N4BP2L2: variants seen among roughly 807,000 people sequenced by gnomAD.
N4BP2L2 encodes the protein NEDD4 binding protein 2 like 2, also known as NEDD4-binding protein 2-like 2.
Under a neutral mutation model 56.2 loss-of-function variants are expected in N4BP2L2, and 50 were observed. The ratio of observed to expected loss-of-function variants is 0.89; its 90% CI spans 0.71 to 1.13. The LOEUF (loss-of-function observed/expected upper bound fraction) is 1.13, where lower values mean the gene tolerates loss of function less well. Among genes scored for constraint, N4BP2L2 ranks in the 50% most tolerant of loss-of-function variants. The probability of loss-of-function intolerance (pLI) is 0.00; values close to 1 mark genes in which losing one functional copy is unlikely to be tolerated. For synonymous variants in N4BP2L2, 203 were observed against 223.6 expected (o/e 0.91, Z 0.82); for missense variants, 689 against 693.8 (o/e 0.99, Z 0.08).
intron 6 of N4BP2L2, among the ~76,000 whole-genome samples, chr13:32,501,424 T>TA (rs1390346869): frequency 1.0e-5 from 1 of 96,828 alleles, no homozygotes; most frequent in Non-Finnish European, 2.3e-5. Flanking sequence ...TAAAACAAAA[T>TA]AAAAACCTTT....
intron 6 of N4BP2L2, among the ~76,000 whole-genome samples, chr13:32,473,343 A>C (rs1234145720): frequency 1.3e-5 from 2 of 152,174 alleles, no homozygotes; most frequent in Non-Finnish European, 2.9e-5. Context: ...AGGTTAAATC[A>C]AATACATTAT....
At chr13:32,521,883 G>A (rs1292707414) in intron 4 of N4BP2L2, 1 of 324,766 alleles carries the variant, frequency 3.1e-6, no homozygotes, top group Non-Finnish European at 5.6e-6. Context: ...GGCTGAGGCA[G>A]GAGAATCGCT....
chr13:32,449,776 G>A (rs2077610098), intron 6 of N4BP2L2, among the ~76,000 whole-genome samples: 1 of 152,074 alleles, frequency 6.6e-6, no homozygotes, highest in Admixed American at 6.6e-5. Context: ...AGACTCCCAC[G>A]ATGCAATTCA....
chr13:32,434,645 C>T (rs1212676597), intron 9 of N4BP2L2, among the ~76,000 whole-genome samples: 4 of 151,976 alleles, frequency 2.6e-5, no homozygotes, highest in Admixed American at 1.3e-4. Flanking sequence ...AAATGGGCAC[C>T]GACTTGTGGC....
rs368068960 is a variant in N4BP2L2 at position 32,465,124 on chromosome 13, G to A, written c.366-20998C>T. Among the ~76,000 whole-genome samples, 22 of 151,908 alleles carry A rather than the reference G, an allele frequency of 1.4e-4. No homozygotes were observed. The East Asian group carries it at 3.1e-3, about 21-fold the overall frequency. On this transcript the variant is annotated intron_variant, in intron 6 of 9. Coordinates refer to the N4BP2L2 transcript ENST00000357505. ...TGGGATTACAGGTGCCTGCCACCACGCCCAGCTAATTTTTGTATTTTTAGT... is the reference window on the plus strand; with the variant it reads ...TGGGATTACAGGTGCCTGCCACCACACCCAGCTAATTTTTGTATTTTTAGT...
intron 6 of N4BP2L2, among the ~76,000 whole-genome samples, chr13:32,503,194 A>T (rs2090337741): frequency 6.6e-6 from 1 of 151,076 alleles, no homozygotes; most frequent in Non-Finnish European, 1.5e-5. Context: ...AAAAAAAAAA[A>T]AAATTATATT....
At chr13:32,535,917 T>C (rs1180154984) in exon 2 of N4BP2L2, 3 of 1,614,148 alleles carry the variant, frequency 1.9e-6, no homozygotes, top group African/African-American at 2.7e-5. Context: ...TTCCAGCATC[T>C]TTCTCTGACT....
Position 32,443,769 on chromosome 13 carries a change from T to C in N4BP2L2, c.723A>G (p.Glu241=), listed in dbSNP as rs764947737. 9 of 1,574,368 alleles carry C rather than the reference T, an allele frequency of 5.7e-6. No homozygotes were observed. In the Admixed American group the frequency reaches 5.8e-5, roughly 10 times the overall value. Residue 241 remains glutamate (E), a synonymous_variant, in exon 7 of 10, where the codon GAA becomes GAG. Coordinates refer to the N4BP2L2 transcript ENST00000357505. Reference sequence around the variant, plus strand: ...ACAAACTTACAAACAAGTTATCACCTTCCTTAGAGAGGTAATTCTTTGGTG... The same window carrying C: ...ACAAACTTACAAACAAGTTATCACCCTCCTTAGAGAGGTAATTCTTTGGTG...
At chr13:32,511,380 T>C (rs1238895135) in exon 6 of N4BP2L2, 1 of 152,198 alleles carries the variant, frequency 6.6e-6, no homozygotes. Context: ...CATGACATAA[T>C]AGTGAATTAT....
At chr13:32,484,037 T>C (rs1445220587) in intron 6 of N4BP2L2, among the ~76,000 whole-genome samples, 2 of 149,350 alleles carry the variant, frequency 1.3e-5, no homozygotes, top group African/African-American at 4.9e-5. Flanking sequence ...CCAGGCCCAG[T>C]GGTTTACAAC....
exon 7 of N4BP2L2, chr13:32,443,590 G>T: frequency 6.2e-7 from 1 of 1,611,724 alleles, no homozygotes; most frequent in Non-Finnish European, 8.5e-7. Context: ...TAAGCATGAA[G>T]TTTCCGCAGA....
chr13:32,491,346 G>A (rs1041449611), intron 6 of N4BP2L2, among the ~76,000 whole-genome samples: 1 of 151,888 alleles, frequency 6.6e-6, no homozygotes, highest in Non-Finnish European at 1.5e-5. Context: ...TCCTGCTCCT[G>A]TTATACTAAG....
intron 6 of N4BP2L2, among the ~76,000 whole-genome samples, chr13:32,484,095 T>C (rs926378522): frequency 1.3e-5 from 2 of 151,994 alleles, no homozygotes; most frequent in Non-Finnish European, 2.9e-5. Flanking sequence ...GGAGTGCTTC[T>C]GCCAAGAGTT....
chr13:32,489,152 A>G (rs1404341785), intron 6 of N4BP2L2, among the ~76,000 whole-genome samples: 1 of 152,236 alleles, frequency 6.6e-6, no homozygotes, highest in African/African-American at 2.4e-5. Context: ...AAGGCTTAAC[A>G]ATAATTATTA....
intron 6 of N4BP2L2, among the ~76,000 whole-genome samples, chr13:32,450,606 G>C (rs1198672194): frequency 6.7e-6 from 1 of 149,574 alleles, no homozygotes; most frequent in Non-Finnish European, 1.5e-5. Flanking sequence ...TTAGAGGCGT[G>C]AGCCACTGCG....
intron 6 of N4BP2L2, among the ~76,000 whole-genome samples, chr13:32,460,361 A>G (rs1008820940): frequency 2.6e-5 from 4 of 152,228 alleles, no homozygotes; most frequent in Non-Finnish European, 5.9e-5. Flanking sequence ...GAGGAGGTCA[A>G]ATTGTCTTTG....
downstream of N4BP2L2, chr13:32,505,459 G>A (rs779371553): frequency 7.9e-5 from 12 of 152,186 alleles, no homozygotes; most frequent in Non-Finnish European, 1.6e-4. Context: ...TGGATAGACT[G>A]AGAATTTTCC....
At chr13:32,503,892 A>T (rs2090467066) in intron 6 of N4BP2L2, among the ~76,000 whole-genome samples, 1 of 152,066 alleles carries the variant, frequency 6.6e-6, no homozygotes, top group South Asian at 2.1e-4. Flanking sequence ...AAAAAATTTT[A>T]AAATTAGCTG....
chr13:32,440,853 T>G (rs1219671440), intron 7 of N4BP2L2, among the ~76,000 whole-genome samples: 2 of 146,242 alleles, frequency 1.4e-5, no homozygotes, highest in Non-Finnish European at 3.0e-5. Context: ...ATAACAATCT[T>G]TTTTTTTTTT....
Sources: allele counts gnomAD v4.1 joint callset (sites outside exome capture counted in the v4.1 genomes callset), GRCh38; gene constraint gnomAD v4.1.1; transcripts MANE v1.5; gene names NCBI Gene and HGNC (gene_info 2026-07-23, HGNC 2026-07-21).